The following ZNG1F variants were observed in gnomAD, a reference collection of about 807,000 sequenced individuals.
ZNG1F encodes zinc-regulated GTPase metalloprotein activator 1F.
At chr9:41,204,907 T>G in the ZNG1F span, among the ~76,000 whole-genome samples, 1 of 150,166 alleles carries the variant, frequency 6.7e-6, no homozygotes, top group Non-Finnish European at 1.5e-5. Context: ...TTTAATGTTT[T>G]TATTGTAGTT....
At chr9:41,192,901 A>G in the ZNG1F span, among the ~76,000 whole-genome samples, 1 of 151,290 alleles carries the variant, frequency 6.6e-6, no homozygotes. Context: ...ATGTAACTTA[A>G]AAATTCCTCC....
At chr9:41,158,261 C>T in the ZNG1F span, 4 of 116,860 alleles carry the variant, frequency 3.4e-5, no homozygotes, top group South Asian at 3.4e-4. Context: ...TTTCAGTGAG[C>T]CGAGATCGCA....
At chr9:41,173,971 C>CAGCACTTT in the ZNG1F span, among the ~76,000 whole-genome samples, 1 of 148,862 alleles carries the variant, frequency 6.7e-6, no homozygotes, top group African/African-American at 2.5e-5. Flanking sequence ...CCTGTAATCC[C>CAGCACTTT]AGCACTTTGG....
At chr9:41,177,189 AC>A in the ZNG1F span, 1 of 150,530 alleles carries the variant, frequency 6.6e-6, no homozygotes, top group African/African-American at 2.4e-5. Flanking sequence ...CATACGAAGA[AC>A]AAAAGAAAAT....
chr9:41,199,867 A>G, the ZNG1F span, among the ~76,000 whole-genome samples: 2 of 149,414 alleles, frequency 1.3e-5, no homozygotes, highest in Non-Finnish European at 3.0e-5. Flanking sequence ...CACCCTCTGA[A>G]GCAACAGACA....
the ZNG1F span, among the ~76,000 whole-genome samples, chr9:41,171,690 G>A: frequency 1.2e-5 from 1 of 83,568 alleles, no homozygotes; most frequent in African/African-American, 6.5e-5. Flanking sequence ...GGTGGAGGTT[G>A]CAGTGAGCCA....
chr9:41,201,865 G>A, the ZNG1F span, among the ~76,000 whole-genome samples: 1 of 150,772 alleles, frequency 6.6e-6, no homozygotes, highest in Non-Finnish European at 1.5e-5. Flanking sequence ...GATCAGAAAG[G>A]TGAAAAGTTC....
chr9:41,190,669 GT>G, the ZNG1F span, among the ~76,000 whole-genome samples: 1 of 107,080 alleles, frequency 9.3e-6, no homozygotes, highest in Non-Finnish European at 1.9e-5. Context: ...CTTTTCATGT[GT>G]TTTGGCAATA....
At chr9:41,180,873 A>G in the ZNG1F span, among the ~76,000 whole-genome samples, 2 of 130,616 alleles carry the variant, frequency 1.5e-5, no homozygotes, top group African/African-American at 5.7e-5. Flanking sequence ...TAGAGACTGG[A>G]TTTCACCATG....
the ZNG1F span, among the ~76,000 whole-genome samples, chr9:41,139,621 A>G: frequency 6.6e-6 from 1 of 151,516 alleles, no homozygotes; most frequent in Admixed American, 6.6e-5. Context: ...TAAGAGAAGT[A>G]CAAGCAGACT....
the ZNG1F span, among the ~76,000 whole-genome samples, chr9:41,166,432 A>T: frequency 0.64 from 69,268 of 108,668 alleles, 17,423 homozygotes; most frequent in South Asian, 0.68. Context: ...TAATAATAAT[A>T]ATTATTATTA....
At chr9:41,138,044 G>T in the ZNG1F span, among the ~76,000 whole-genome samples, 2 of 135,552 alleles carry the variant, frequency 1.5e-5, no homozygotes, top group Non-Finnish European at 3.2e-5. Flanking sequence ...TTGTTTTTTT[G>T]TTTTTTGTTG....
chr9:41,183,186 A>G, the ZNG1F span, among the ~76,000 whole-genome samples: 1 of 133,942 alleles, frequency 7.5e-6, no homozygotes, highest in Admixed American at 8.0e-5. Flanking sequence ...AACTACTAGA[A>G]CATAATGTAA....
chr9:41,144,058 C>T, the ZNG1F span, among the ~76,000 whole-genome samples: 1 of 27,952 alleles, frequency 3.6e-5, no homozygotes, highest in African/African-American at 6.8e-5. Context: ...TTGAGAAACA[C>T]AGCTTTTCAT....
At chr9:41,204,335 C>CTTT in the ZNG1F span, among the ~76,000 whole-genome samples, 6 of 131,592 alleles carry the variant, frequency 4.6e-5, no homozygotes, top group South Asian at 5.1e-4. Flanking sequence ...CTTATCTAGC[C>CTTT]CTGTTGGACA....
chr9:41,132,610 C>T, the ZNG1F span: 6 of 1,201,480 alleles, frequency 5.0e-6, no homozygotes, highest in Middle Eastern at 3.3e-4. Context: ...AAAGTTAATA[C>T]ATATATTAGG....
the ZNG1F span, chr9:41,145,629 T>C: frequency 8.6e-6 from 1 of 116,826 alleles, no homozygotes; most frequent in Non-Finnish European, 1.7e-5. Flanking sequence ...AGTAAATTTC[T>C]TTACCATTCC....
the ZNG1F span, among the ~76,000 whole-genome samples, chr9:41,148,878 AATT>A: frequency 2.0e-5 from 2 of 98,488 alleles, no homozygotes; most frequent in Non-Finnish European, 3.9e-5. Flanking sequence ...TTGAAAGTAG[AATT>A]AGTTTTTAAG....
chr9:41,159,073 T>C, the ZNG1F span, among the ~76,000 whole-genome samples: 1 of 149,308 alleles, frequency 6.7e-6, no homozygotes. Flanking sequence ...CTGCTTTAAG[T>C]AGCTTAAGAC....
Sources: allele counts gnomAD v4.1 joint callset (sites outside exome capture counted in the v4.1 genomes callset), GRCh38; gene constraint gnomAD v4.1.1; transcripts MANE v1.5; gene names NCBI Gene and HGNC (gene_info 2026-07-23, HGNC 2026-07-21).